Variants in OLFM2 observed in about 807,000 individuals in gnomAD.
OLFM2 encodes the protein noelin-2.
In OLFM2, 20 loss-of-function variants were observed where a neutral mutation model predicts 43.9. That is an observed-to-expected ratio of 0.46 (90% confidence interval 0.32 to 0.66). The LOEUF (loss-of-function observed/expected upper bound fraction) is 0.66. OLFM2 is among the 30% of genes least tolerant of loss of function. OLFM2 has a pLI of 0.04. For synonymous variants in OLFM2, 268 were observed against 278.6 expected (o/e 0.96, Z 0.38); for missense variants, 416 against 643.6 (o/e 0.65, Z 3.83).
chr19:9,887,811 T>TC (rs1289556999), intron 1 of OLFM2, among the ~76,000 whole-genome samples: 1 of 152,042 alleles, frequency 6.6e-6, no homozygotes, highest in Non-Finnish European at 1.5e-5. Context: ...GGCCAGAGGA[T>TC]CACTTGAGCC....
Position 9,860,095 on chromosome 19 carries a change from T to C in OLFM2, c.213+550A>G, listed in dbSNP as rs568173539. On this transcript the variant is annotated intron_variant, in intron 2 of 5. Transcript: ENST00000264833. ...AGGTGGAGGTTGCGGTGAGCTGAGA[T>C]CGCGCCACTGCACCTGCACTCCAGC... 2.7e-5 allele frequency among the ~76,000 whole-genome samples: 4 copies of C among 149,258 alleles called. No individual in the cohort carries two copies. In the East Asian group the frequency reaches 7.9e-4, roughly 30 times the overall value.
At chr19:9,913,868 C>T (rs112372732) in intron 1 of OLFM2, 1 of 177,344 alleles carries the variant, frequency 5.6e-6, no homozygotes, top group Non-Finnish European at 1.1e-5. Context: ...CGCGCCTCCG[C>T]GCCGGGCACT....
chr19:9,903,917 G>A (rs1317697243), intron 1 of OLFM2, among the ~76,000 whole-genome samples: 2 of 152,008 alleles, frequency 1.3e-5, no homozygotes, highest in Admixed American at 6.6e-5. Flanking sequence ...TCTACTGAAG[G>A]TTGCATTACT....
At chr19:9,891,167 A>C (rs1568377464) in intron 1 of OLFM2, among the ~76,000 whole-genome samples, 2 of 150,654 alleles carry the variant, frequency 1.3e-5, no homozygotes, top group African/African-American at 2.4e-5. Context: ...TACAAAAATT[A>C]GCCAGGCCTG....
chr19:9,868,005 C>T (rs940163218), intron 1 of OLFM2, among the ~76,000 whole-genome samples: 6 of 151,804 alleles, frequency 4.0e-5, no homozygotes, highest in South Asian at 2.1e-4. Context: ...AAGGCTCAAG[C>T]GATCCTCCCA....
Position 9,854,685 on chromosome 19 carries a change from A to C in OLFM2, c.866T>G (p.Val289Gly). ...AGAGCGCGAGCGGAAGTGGTATTTG[A>C]CCACCACGTTGCTCTGGTACTTGTT... The part of the protein sequence containing the change: ...FYNKYQSNVV[V>G]KYHFRSRSVL... Residue 289 changes from valine (V) to glycine (G), a missense_variant, in exon 6 of 6, where the codon GTC (valine) becomes GGC (glycine). Transcript: ENST00000264833. The surrounding 1 kb of genome is among the most constrained non-coding windows in gnomAD (Gnocchi z 9.5). 4 of 1,614,176 alleles carry C rather than the reference A, an allele frequency of 2.5e-6. No individual in the cohort carries two copies. Among genetic ancestry groups the C allele is most frequent in the Non-Finnish European group, 3.4e-6 (4 of 1,180,034 alleles).
At position 9,886,136 on chromosome 19, in the gene OLFM2, A is replaced by G. The variant is rs529643521; in HGVS notation, c.64-25342T>C. Among the ~76,000 whole-genome samples the G allele has an allele frequency of 2.0e-5, 3 of 151,686 alleles. No homozygotes were observed. The East Asian group carries it at 5.8e-4, about 29-fold the overall frequency. On this transcript the variant is annotated intron_variant, in intron 1 of 5. Coordinates refer to ENST00000264833, the MANE Select transcript of OLFM2 (RefSeq NM_058164.4). ...AAAAGTGCTGGAAACTTACGTCTCT[A>G]GTTCTGCTTCTCAGGAACCCAACCT...
At chr19:9,921,492 T>A (rs1271590112) in intron 1 of OLFM2, among the ~76,000 whole-genome samples, 1 of 116,754 alleles carries the variant, frequency 8.6e-6, no homozygotes, top group Non-Finnish European at 1.5e-5. Flanking sequence ...CTACATTAAA[T>A]TTTTTTTTTT....
At chr19:9,900,667 G>C (rs2046723812) in intron 1 of OLFM2, among the ~76,000 whole-genome samples, 1 of 151,556 alleles carries the variant, frequency 6.6e-6, no homozygotes, top group Admixed American at 6.6e-5. Context: ...GAGGCAGGAG[G>C]GTCGCTTGAA....
chr19:9,874,690 A>G (rs976973216), intron 1 of OLFM2, among the ~76,000 whole-genome samples: 2 of 152,162 alleles, frequency 1.3e-5, no homozygotes, highest in South Asian at 2.1e-4. Context: ...CATGTTGGCC[A>G]GGCTGGTCTC....
intron 1 of OLFM2, among the ~76,000 whole-genome samples, chr19:9,875,836 C>A (rs2046482985): frequency 6.6e-6 from 1 of 152,082 alleles, no homozygotes; most frequent in Non-Finnish European, 1.5e-5. Context: ...TCCTGTCCCT[C>A]TGAATAGCTC....
intron 1 of OLFM2, among the ~76,000 whole-genome samples, chr19:9,933,277 C>T (rs557470212): frequency 5.9e-5 from 9 of 152,292 alleles, no homozygotes; most frequent in African/African-American, 1.7e-4. Flanking sequence ...TGTTCTGTTG[C>T]CTAGGCTGGA....
chr19:9,854,533 G>A lies in OLFM2; in HGVS notation c.1018C>T (p.Gln340Ter), dbSNP rs2046297847. ...SGLWAVYTTN[Q>*]NAGNIVVSRL... The stretch of plus-strand genomic sequence containing the variant: ...CTGACCACGATGTTGCCCGCGTTCT[G>A]GTTGGTGGTGTACACAGCCCAGAGC... Residue 340 changes from glutamine (Q) to a stop codon, truncating the protein, a stop_gained, in exon 6 of 6, where the codon CAG (glutamine) becomes TAG (stop). Coordinates refer to ENST00000264833, the MANE Select transcript of OLFM2 (RefSeq NM_058164.4). LOFTEE classifies it high-confidence loss of function. This position sits in a 1 kb window ranked among gnomAD's most constrained non-coding sequence, Gnocchi z 9.5. The A allele has an allele frequency of 6.2e-7, 1 of 1,613,862 alleles. No individual in the cohort carries two copies. The highest frequency in any genetic ancestry group is 8.5e-7 in the Non-Finnish European group (1 of 1,180,024).
chr19:9,883,507 G>A (rs2046558584), intron 1 of OLFM2, among the ~76,000 whole-genome samples: 1 of 152,040 alleles, frequency 6.6e-6, no homozygotes. Flanking sequence ...GCTAAGCACT[G>A]AGCAGCTGCT....
At chr19:9,921,113 G>T (rs1363689646) in intron 1 of OLFM2, among the ~76,000 whole-genome samples, 1 of 152,040 alleles carries the variant, frequency 6.6e-6, no homozygotes. Flanking sequence ...TTTGTTTTGG[G>T]ATTTTGTTGT....
intron 1 of OLFM2, among the ~76,000 whole-genome samples, chr19:9,920,515 C>A (rs1568386849): frequency 6.6e-6 from 1 of 152,124 alleles, no homozygotes; most frequent in Non-Finnish European, 1.5e-5. Context: ...GCCAGCTAAT[C>A]CTGATGCAGA....
intron 1 of OLFM2, among the ~76,000 whole-genome samples, chr19:9,885,434 A>AGGGCT (rs758991683): frequency 1.1e-4 from 16 of 152,162 alleles, no homozygotes; most frequent in Non-Finnish European, 2.1e-4. Flanking sequence ...CCCCCTCGTT[A>AGGGCT]GGGCTGGGGG....
intron 1 of OLFM2, among the ~76,000 whole-genome samples, chr19:9,879,779 C>CTT (rs2046524352): frequency 6.3e-5 from 1 of 15,950 alleles, no homozygotes; most frequent in Non-Finnish European, 8.3e-4. Context: ...TGGTCTTGAA[C>CTT]TCTTTTTTGT....
At chr19:9,922,466 T>C (rs1345469790) in intron 1 of OLFM2, among the ~76,000 whole-genome samples, 3 of 152,024 alleles carry the variant, frequency 2.0e-5, no homozygotes, top group African/African-American at 4.8e-5. Context: ...ACCCACAATG[T>C]TCCCAGCACT....
Sources: gnomAD v4.1 joint callset for allele counts (sites outside exome capture counted in the v4.1 genomes callset) on GRCh38, gnomAD v4.1.1 for gene constraint, Gnocchi (gnomAD v3.1) non-coding constraint, MANE v1.5 for transcripts, NCBI Gene and HGNC (gene_info 2026-07-23, HGNC 2026-07-21) for gene names.